The following FAM135A variants were observed in gnomAD, a reference collection of about 807,000 sequenced individuals.
FAM135A encodes family with sequence similarity 135 member A, also known as protein FAM135A.
In FAM135A, 79 loss-of-function variants were observed where a neutral mutation model predicts 146.8. The ratio of observed to expected loss-of-function variants is 0.54; its 90% confidence interval spans 0.45 to 0.65. FAM135A has a LOEUF of 0.65. FAM135A is among the 30% of genes least tolerant of loss of function. The probability of loss-of-function intolerance (pLI) is 0.00; values close to 1 mark genes in which losing one functional copy is unlikely to be tolerated. For missense variants in FAM135A, 1,623 were observed against 1,758.2 expected, an observed-to-expected ratio of 0.92 and a Z score of 1.38; for synonymous variants, 562 against 603.6, an observed-to-expected ratio of 0.93 and a Z score of 1.01.
chr6:70,446,489 G>A (rs112765673), intron 4 of FAM135A, among the ~76,000 whole-genome samples: 19,833 of 152,178 alleles, frequency 0.13, 1,539 homozygotes, highest in Middle Eastern at 0.19. Context: ...TCATTGTGCA[G>A]CACCTCTGCC....
At chr6:70,478,975 A>G (rs1001098998) in intron 8 of FAM135A, among the ~76,000 whole-genome samples, 2 of 152,034 alleles carry the variant, frequency 1.3e-5, no homozygotes, top group African/African-American at 4.8e-5. Context: ...CTTTTATATG[A>G]TTTTGTGTTT....
At chr6:70,472,530 T>G (rs1366780084) in intron 5 of FAM135A, among the ~76,000 whole-genome samples, 1 of 152,170 alleles carries the variant, frequency 6.6e-6, no homozygotes, top group African/African-American at 2.4e-5. Context: ...CCCCAATACA[T>G]CCATCAAAAT....
At chr6:70,522,239 A>G (rs1793757290) in intron 12 of FAM135A, among the ~76,000 whole-genome samples, 1 of 152,224 alleles carries the variant, frequency 6.6e-6, no homozygotes, top group South Asian at 2.1e-4. Context: ...TCTAAAGAAC[A>G]TTACACTTTA....
rs749224479 is a variant in FAM135A at position 70,526,750 on chromosome 6, TACACACACACAC to T, written c.3614+56_3614+67del. 24 of 851,588 alleles carry T rather than the reference TACACACACACAC, an allele frequency of 2.8e-5. No individual in the cohort carries two copies. The African/African-American group carries it at 2.9e-4, about 10-fold the overall frequency. The allele number at this position is 851,588 out of a possible 1,614,324, so 52.8% of individuals were successfully genotyped here. A position where few individuals can be genotyped will look rare whatever the true frequency, so the allele number is the denominator to read the frequency against. Reference sequence around the variant, plus strand: ...GCTGCTAAATATATACATATATATATACACACACACACACATACACACACACACACACACACA... The same window carrying T: ...GCTGCTAAATATATACATATATATATACATACACACACACACACACACACA... On this transcript the variant is annotated intron_variant, in intron 15 of 21. Transcript: ENST00000418814.
chr6:70,452,459 T>G, intron 4 of FAM135A, 33 bp from the exon 5 acceptor site: 1 of 1,516,128 alleles, frequency 6.6e-7, no homozygotes. Flanking sequence ...TTAAATATGT[T>G]TTGAAATAAC....
rs985403432 is a variant in FAM135A at position 70,525,176 on chromosome 6, T to A, written c.2092T>A (p.Ser698Thr). The change falls in exon 15 of 22, where the codon TCC (serine) becomes ACC (threonine). Residue 698 changes from serine to threonine, a missense_variant. Transcript: ENST00000418814. ...GGATAATTTACTACCCAACTTTGAG[T>A]CCTTAGAATCTAATGGTAAATCTAA... ...LVDNLLPNFE[S>T]LESNGKSKSI... 5 of 1,589,332 alleles carry A rather than the reference T, an allele frequency of 3.1e-6. No homozygotes were observed. Among genetic ancestry groups the A allele is most frequent in the Non-Finnish European group, 4.3e-6 (5 of 1,171,504 alleles).
At chr6:70,520,767 A>G (rs757016549) in intron 12 of FAM135A, among the ~76,000 whole-genome samples, 3 of 152,220 alleles carry the variant, frequency 2.0e-5, no homozygotes, top group Non-Finnish European at 4.4e-5. Context: ...CTGTATTGCC[A>G]TCAGGTGGCA....
chr6:70,448,002 G>A (rs1169619067), intron 4 of FAM135A, among the ~76,000 whole-genome samples: 4 of 147,666 alleles, frequency 2.7e-5, no homozygotes, highest in Non-Finnish European at 1.5e-5. Flanking sequence ...AGGCTCAAAT[G>A]TAGCTATAAT....
At chr6:70,464,667 C>CTTTTTTTTTT (rs533623758) in intron 5 of FAM135A, among the ~76,000 whole-genome samples, 33 of 99,350 alleles carry the variant, frequency 3.3e-4, no homozygotes, top group South Asian at 6.2e-4. Flanking sequence ...TCTTTTTTTT[C>CTTTTTTTTTT]TTTTTTTTTT....
At chr6:70,485,952 T>C (rs959991514) in intron 10 of FAM135A, among the ~76,000 whole-genome samples, 5 of 152,228 alleles carry the variant, frequency 3.3e-5, no homozygotes, top group African/African-American at 1.2e-4. Context: ...TTAAGACATA[T>C]TGGATTATGA....
Position 70,445,326 on chromosome 6 carries a change from C to G in FAM135A, c.78-7166C>G, listed in dbSNP as rs1162030446. 2.6e-5 allele frequency among the ~76,000 whole-genome samples: 4 copies of G among 151,520 alleles called. No homozygotes were observed. In the South Asian group the frequency reaches 8.4e-4, roughly 32 times the overall value. The stretch of plus-strand genomic sequence containing the variant: ...TCAAGCCCTTTAAGAAAGCTGTTGA[C>G]CATTGGTATGGAATATTTAGATATG... On this transcript the variant is annotated intron_variant, in intron 4 of 21. Coordinates refer to ENST00000418814, the MANE Select transcript of FAM135A (RefSeq NM_001162529.3).
At chr6:70,477,092 C>A in intron 7 of FAM135A, 67 bp from the exon 8 acceptor site, 1 of 1,412,634 alleles carries the variant, frequency 7.1e-7, no homozygotes, top group Non-Finnish European at 9.4e-7. Context: ...ATAGTTTCAA[C>A]TACTTTATAA....
At position 70,464,658 on chromosome 6, in the gene FAM135A, C is replaced by CTTTTTTTTTTTTTTTTTTTTTTTTT. The variant is rs754818109; in HGVS notation, c.158-10744_158-10743insTTTTTTTTTTTTTTTTTTTTTTTTT. 2.2e-4 allele frequency among the ~76,000 whole-genome samples: 22 copies of CTTTTTTTTTTTTTTTTTTTTTTTTT among 100,446 alleles called. 1 individual carries two copies. The highest frequency in any genetic ancestry group is 7.5e-4 in the African/African-American group (20 of 26,658). The allele number at this position is 100,446 out of a possible 152,430, so 65.9% of individuals were successfully genotyped here. A position where few individuals can be genotyped will look rare whatever the true frequency, so the allele number is the denominator to read the frequency against. ...TTTAAATTTCTTTCTTTCTTTCTTT[C>CTTTTTTTTTTTTTTTTTTTTTTTTT]TTTTTTTTCTTTTTTTTTTTTTTTT... On this transcript the variant is annotated intron_variant, in intron 5 of 21. Coordinates refer to ENST00000418814, the MANE Select transcript of FAM135A (RefSeq NM_001162529.3).
intron 7 of FAM135A, among the ~76,000 whole-genome samples, chr6:70,476,503 C>CT (rs978065961): frequency 2.2e-4 from 32 of 147,952 alleles, no homozygotes; most frequent in East Asian, 3.9e-4. Flanking sequence ...TTTGTAAAGT[C>CT]TTTTTTTTTT....
intron 2 of FAM135A, chr6:70,417,694 C>G: frequency 1.1e-6 from 1 of 884,030 alleles, no homozygotes; most frequent in East Asian, 1.2e-4. Flanking sequence ...TCTTTGATGT[C>G]TTCAGATTGC....
At chr6:70,539,060 A>G (rs1797363080) in intron 20 of FAM135A, among the ~76,000 whole-genome samples, 1 of 151,960 alleles carries the variant, frequency 6.6e-6, no homozygotes, top group Non-Finnish European at 1.5e-5. Flanking sequence ...CTGTCTATAA[A>G]TAACCTTACT....
chr6:70,554,748 C>T (rs963943978), intron 20 of FAM135A, among the ~76,000 whole-genome samples: 1 of 152,156 alleles, frequency 6.6e-6, no homozygotes, highest in Non-Finnish European at 1.5e-5. Flanking sequence ...CTGCCTCAGC[C>T]TCCTGAGTAG....
At chr6:70,552,203 T>C (rs2128488487) in intron 20 of FAM135A, among the ~76,000 whole-genome samples, 1 of 152,298 alleles carries the variant, frequency 6.6e-6, no homozygotes, top group East Asian at 1.9e-4. Flanking sequence ...TTACTATGAA[T>C]TTTCAGAAAG....
At chr6:70,476,441 T>G (rs1418431721) in intron 7 of FAM135A, among the ~76,000 whole-genome samples, 1 of 152,168 alleles carries the variant, frequency 6.6e-6, no homozygotes, top group Admixed American at 6.6e-5. Context: ...GATGTCCTCT[T>G]CACTATATGG....
Sources: gnomAD v4.1 joint callset for allele counts (sites outside exome capture counted in the v4.1 genomes callset) on GRCh38, gnomAD v4.1.1 for gene constraint, MANE v1.5 for transcripts, NCBI Gene and HGNC (gene_info 2026-07-23, HGNC 2026-07-21) for gene names.